The following LGR5 variants were observed in gnomAD, a reference collection of about 807,000 sequenced individuals.
The protein encoded by LGR5 is leucine-rich repeat-containing G protein-coupled receptor 5.
Under a neutral mutation model 76.7 loss-of-function variants are expected in LGR5, and 54 were observed. That is an observed-to-expected ratio of 0.70 (90% confidence interval 0.57 to 0.88). The LOEUF is 0.88. Among genes scored for constraint, LGR5 ranks in the 40% least tolerant of loss-of-function variants. The probability of loss-of-function intolerance (pLI) is 0.00; values close to 1 mark genes in which losing one functional copy is unlikely to be tolerated. For synonymous variants in LGR5, 406 were observed against 421.9 expected (o/e 0.96, Z 0.46); for missense variants, 1,078 against 1,073.3 (o/e 1.00, Z -0.06).
chr12:71,492,797 AT>A (rs1430295536), intron 1 of LGR5, among the ~76,000 whole-genome samples: 1 of 151,622 alleles, frequency 6.6e-6, no homozygotes, highest in African/African-American at 2.4e-5. Context: ...GAGTTATGAT[AT>A]GCATGAAGAG....
intron 1 of LGR5, among the ~76,000 whole-genome samples, chr12:71,455,027 C>A (rs1872410026): frequency 6.6e-6 from 1 of 152,012 alleles, no homozygotes; most frequent in Non-Finnish European, 1.5e-5. Context: ...GATTAGAAGT[C>A]CAGGTCTGTA....
chr12:71,479,654 G>A (rs762786428), intron 1 of LGR5, among the ~76,000 whole-genome samples: 5 of 152,104 alleles, frequency 3.3e-5, no homozygotes, highest in Non-Finnish European at 7.3e-5. Flanking sequence ...TTATCTGGGG[G>A]GGTGGGGAAA....
chr12:71,544,769 C>T (rs1327374588), intron 4 of LGR5, among the ~76,000 whole-genome samples: 1 of 152,054 alleles, frequency 6.6e-6, no homozygotes, highest in Non-Finnish European at 1.5e-5. Context: ...CTTTGTTAAA[C>T]TGTAATATAT....
At chr12:71,483,419 G>A (rs1395401750) in intron 1 of LGR5, among the ~76,000 whole-genome samples, 2 of 152,214 alleles carry the variant, frequency 1.3e-5, no homozygotes, top group African/African-American at 2.4e-5. Context: ...AGCCAGAAAT[G>A]CCACGAAGGC....
At chr12:71,482,713 A>C (rs1473815186) in intron 1 of LGR5, among the ~76,000 whole-genome samples, 1 of 152,184 alleles carries the variant, frequency 6.6e-6, no homozygotes, top group Non-Finnish European at 1.5e-5. Flanking sequence ...CCCACAATCT[A>C]CAGGACAGCC....
chr12:71,577,192 A>G (rs1878895168), intron 13 of LGR5, among the ~76,000 whole-genome samples: 1 of 152,210 alleles, frequency 6.6e-6, no homozygotes, highest in South Asian at 2.1e-4. Flanking sequence ...CATTTACAAA[A>G]ATTAAAAATC....
chr12:71,494,830 A>G (rs750992684), intron 1 of LGR5, among the ~76,000 whole-genome samples: 1 of 151,328 alleles, frequency 6.6e-6, no homozygotes, highest in Non-Finnish European at 1.5e-5. Flanking sequence ...AAACTAGTGC[A>G]CTAGACTGGA....
rs938030227 is a variant in LGR5 at position 71,493,203 on chromosome 12, G to A, written c.213-11411G>A. Among the ~76,000 whole-genome samples the A allele has an allele frequency of 2.6e-5, 4 of 151,148 alleles. 1 individual carries two copies. The highest frequency in any genetic ancestry group is 7.4e-5 in the African/African-American group (3 of 40,524). On this transcript the variant is annotated intron_variant, in intron 1 of 17. Coordinates refer to ENST00000266674, the MANE Select transcript of LGR5 (RefSeq NM_003667.4). ...TAGGGATCGTTTCCAGCAGTTTTTC[G>A]GCTATTTTTCTGGCATCTTTTTTAC...
intron 3 of LGR5, among the ~76,000 whole-genome samples, chr12:71,532,766 A>T (rs1366824987): frequency 3.3e-5 from 5 of 152,200 alleles, no homozygotes; most frequent in Non-Finnish European, 7.4e-5. Flanking sequence ...CTGCAAACCC[A>T]GTGCAGCTCT....
chr12:71,466,523 A>G (rs58175561), intron 1 of LGR5, among the ~76,000 whole-genome samples: 6,851 of 152,290 alleles, frequency 0.045, 366 homozygotes, highest in African/African-American at 0.13. Flanking sequence ...TAAATGTAGC[A>G]GATTAAATAA....
At chr12:71,508,236 CAAAA>C (rs990645721) in intron 2 of LGR5, among the ~76,000 whole-genome samples, 1 of 151,574 alleles carries the variant, frequency 6.6e-6, no homozygotes, top group East Asian at 1.9e-4. Context: ...CAAAAACAAA[CAAAA>C]AAAATCACTA....
intron 4 of LGR5, among the ~76,000 whole-genome samples, chr12:71,543,458 T>C (rs908847596): frequency 2.0e-5 from 3 of 152,118 alleles, no homozygotes; most frequent in African/African-American, 7.2e-5. Context: ...GGGTAGGGGA[T>C]GCTCATGAAC....
chr12:71,466,654 A>T (rs199588463), intron 1 of LGR5, among the ~76,000 whole-genome samples: 10,295 of 151,594 alleles, frequency 0.068, 350 homozygotes, highest in Middle Eastern at 0.088. Context: ...TGTGATAATA[A>T]TTTCCTCTGT....
At chr12:71,572,810 A>G (rs1555175948) in intron 12 of LGR5, 40 bp from the exon 13 acceptor site, 1 of 1,508,582 alleles carries the variant, frequency 6.6e-7, no homozygotes, top group Non-Finnish European at 9.2e-7. Flanking sequence ...CTTTGAAACC[A>G]GTAACTTTGA....
chr12:71,529,182 A>G (rs1876171156), intron 3 of LGR5, among the ~76,000 whole-genome samples: 2 of 152,160 alleles, frequency 1.3e-5, no homozygotes. Flanking sequence ...CTGTTATTAC[A>G]TATCGTATTA....
intron 1 of LGR5, among the ~76,000 whole-genome samples, chr12:71,462,734 A>G (rs1872730528): frequency 6.6e-6 from 1 of 152,062 alleles, no homozygotes; most frequent in Non-Finnish European, 1.5e-5. Context: ...ACTCTGACTA[A>G]TTCCGTCTTC....
intron 1 of LGR5, among the ~76,000 whole-genome samples, chr12:71,492,799 G>T (rs953429077): frequency 1.4e-5 from 2 of 145,558 alleles, no homozygotes; most frequent in Admixed American, 1.3e-4. Context: ...GTTATGATAT[G>T]CATGAAGAGG....
At chr12:71,507,464 A>T in intron 2 of LGR5, among the ~76,000 whole-genome samples, 1 of 152,180 alleles carries the variant, frequency 6.6e-6, no homozygotes, top group Admixed American at 6.5e-5. Context: ...TGTGAAAGAA[A>T]GCAATGAAGA....
At chr12:71,555,133 A>G (rs1877692959) in intron 5 of LGR5, among the ~76,000 whole-genome samples, 1 of 152,174 alleles carries the variant, frequency 6.6e-6, no homozygotes, top group South Asian at 2.1e-4. Flanking sequence ...TGAATATTAC[A>G]TAAATCTCAC....
Sources: allele counts gnomAD v4.1 joint callset (sites outside exome capture counted in the v4.1 genomes callset), GRCh38; gene constraint gnomAD v4.1.1; transcripts MANE v1.5; gene names NCBI Gene and HGNC (gene_info 2026-07-23, HGNC 2026-07-21).